NXN: variants seen among roughly 807,000 people sequenced by gnomAD.
NXN encodes the protein nucleoredoxin, also known as nucleoredoxin 1.
Under a neutral mutation model 48.6 loss-of-function variants are expected in NXN, and 16 were observed. That is an observed-to-expected ratio of 0.33 (90% CI 0.22 to 0.50). NXN has a LOEUF of 0.50. Among genes scored for constraint, NXN ranks in the 20% least tolerant of loss-of-function variants. The pLI, the probability that NXN is intolerant of heterozygous loss-of-function variation, is 0.98. For synonymous variants in NXN, 281 were observed against 269.6 expected, an observed-to-expected ratio of 1.04 and a Z score of -0.41; for missense variants, 492 against 605.5, an observed-to-expected ratio of 0.81 and a Z score of 1.97.
intron 1 of NXN, among the ~76,000 whole-genome samples, chr17:907,139 G>A (rs1488438382): frequency 4.0e-5 from 6 of 151,528 alleles, no homozygotes; most frequent in African/African-American, 9.7e-5. Context: ...TTGGGGGGGC[G>A]GGGGAGGGTT....
chr17:879,873 C>T (rs1390440508), intron 1 of NXN: 5 of 152,196 alleles, frequency 3.3e-5, no homozygotes, highest in Non-Finnish European at 7.3e-5. Flanking sequence ...AGAAACTTCT[C>T]TCACAGGTAC....
rs748083527 is a variant in NXN, at chr17:823,674, G to T, written c.570C>A (p.Ser190Arg). Residue 190 changes from serine (S) to arginine (R), a missense_variant, in exon 3 of 8, where the codon AGC becomes AGA. Coordinates refer to ENST00000336868, the MANE Select transcript of NXN (RefSeq NM_022463.5). ...RNNGQSLESS[S>R]LEGSHVGVYF... ...AGACGCCCACGTGAGACCCCTCCAGGCTGCTGCTCTCCAGAGACTGCCCAT... is the reference window on the plus strand; with the variant it reads ...AGACGCCCACGTGAGACCCCTCCAGTCTGCTGCTCTCCAGAGACTGCCCAT... 1 of 1,614,118 alleles carries T rather than the reference G, an allele frequency of 6.2e-7. No individual in the cohort carries two copies. The highest frequency in any genetic ancestry group is 1.1e-5 in the South Asian group (1 of 91,072).
chr17:861,227 G>C (rs1227752966), intron 1 of NXN, among the ~76,000 whole-genome samples: 3 of 152,136 alleles, frequency 2.0e-5, no homozygotes, highest in Non-Finnish European at 4.4e-5. Context: ...TCCGCCTCCT[G>C]GGTTCAAGTG....
At chr17:832,444 C>G (rs1913534399) in intron 1 of NXN, among the ~76,000 whole-genome samples, 1 of 152,084 alleles carries the variant, frequency 6.6e-6, no homozygotes, top group Non-Finnish European at 1.5e-5. Context: ...CTTGGCCTCC[C>G]AAAGTGCTGG....
chr17:945,628 CA>C (rs58303386), intron 1 of NXN, among the ~76,000 whole-genome samples: 35,503 of 86,692 alleles, frequency 0.41, 4,925 homozygotes, highest in African/African-American at 0.52. Context: ...GACTCCGTCT[CA>C]AAAAAAAAAA....
rs897069997 is a variant in NXN, at chr17:958,146, A to T, written c.360+21173T>A. Among the ~76,000 whole-genome samples the T allele has an allele frequency of 1.3e-5, 2 of 152,090 alleles. No individual in the cohort carries two copies. The highest frequency in any genetic ancestry group is 2.4e-5 in the African/African-American group (1 of 41,402). ...TATATCTGGAATATCTCTCTGTCTT[A>T]ATCCACTGGACTACCCTCCCCCTCG... On this transcript the variant is annotated intron_variant, in intron 1 of 7. Coordinates refer to ENST00000336868, the MANE Select transcript of NXN (RefSeq NM_022463.5). The surrounding 1 kb of genome is among the most constrained non-coding windows in gnomAD (Gnocchi z 6.9).
rs879868307 is a variant in NXN, at chr17:932,439, A to T, written c.360+46880T>A. Among the ~76,000 whole-genome samples, 6 of 152,320 alleles carry T rather than the reference A, an allele frequency of 3.9e-5. No individual in the cohort carries two copies. The East Asian group carries it at 1.2e-3, about 29-fold the overall frequency. ...CCGCATTTAACCAGTCCTTCTGGTT[A>T]TTCATCAGTTTGGAAACCGCAGGTC... On this transcript the variant is annotated intron_variant, in intron 1 of 7. Transcript: ENST00000336868. This position sits in a 1 kb window ranked among gnomAD's most constrained non-coding sequence, Gnocchi z 4.1.
intron 1 of NXN, among the ~76,000 whole-genome samples, chr17:890,128 G>A (rs2068399925): frequency 6.6e-6 from 1 of 151,840 alleles, no homozygotes; most frequent in Admixed American, 6.6e-5. Flanking sequence ...CTCAGTGTCT[G>A]GACCTACTCG....
chr17:864,598 T>TG (rs1217787877), intron 1 of NXN, among the ~76,000 whole-genome samples: 4 of 152,238 alleles, frequency 2.6e-5, no homozygotes, highest in Admixed American at 6.5e-5. Flanking sequence ...GAACTTGCCC[T>TG]GCATTTCCTC....
Position 800,778 on chromosome 17 carries a change from C to T in NXN, c.*171G>A. 1 of 420,520 alleles carries T rather than the reference C, an allele frequency of 2.4e-6. No individual in the cohort carries two copies. The highest frequency in any genetic ancestry group is 4.1e-6 in the Non-Finnish European group (1 of 242,814). The allele number at this position is 420,520 out of a possible 1,614,324, so 26.0% of individuals were successfully genotyped here. On this transcript the variant is annotated 3_prime_UTR_variant, in exon 8 of 8. Coordinates refer to ENST00000336868, the MANE Select transcript of NXN (RefSeq NM_022463.5). ...GTGGACTCTGCCGCTGCTGATTCCA[C>T]ACCCCAGGGTGCTGGCTGAGGAGTT... is the stretch of plus-strand genomic sequence containing the variant.
At chr17:844,043 G>A (rs1038813542) in intron 1 of NXN, among the ~76,000 whole-genome samples, 7 of 152,138 alleles carry the variant, frequency 4.6e-5, no homozygotes, top group East Asian at 3.9e-4. Context: ...CATACGTCCC[G>A]TCCCGCCCCT....
intron 1 of NXN, among the ~76,000 whole-genome samples, chr17:933,753 G>A (rs1466087220): frequency 1.3e-5 from 2 of 152,042 alleles, no homozygotes; most frequent in African/African-American, 4.8e-5. Flanking sequence ...GCACTAACTA[G>A]AAAGCTGTTT....
At position 854,312 on chromosome 17, in the gene NXN, A is replaced by C. The variant is rs1330891581; in HGVS notation, c.361-28234T>G. Among the ~76,000 whole-genome samples the C allele has an allele frequency of 7.2e-5, 11 of 152,158 alleles. 1 individual carries two copies. ...GCTAGAATATTTTTCAGTTAGACAGATATAGAACGATCCCACCTGCTCACC... is the reference window on the plus strand; with the variant it reads ...GCTAGAATATTTTTCAGTTAGACAGCTATAGAACGATCCCACCTGCTCACC... On this transcript the variant is annotated intron_variant, in intron 1 of 7. Transcript: ENST00000336868.
intron 1 of NXN, among the ~76,000 whole-genome samples, chr17:951,845 A>G (rs879347690): frequency 1.3e-5 from 2 of 152,094 alleles, no homozygotes; most frequent in Admixed American, 1.3e-4. Context: ...GGAGGCAGGA[A>G]AGCAATGAGC....
intron 1 of NXN, among the ~76,000 whole-genome samples, chr17:871,399 C>CTTTTTTTTTTTTTTTTT: frequency 9.8e-6 from 1 of 101,706 alleles, no homozygotes; most frequent in Non-Finnish European, 1.9e-5. Flanking sequence ...TACGCATTCA[C>CTTTTTTTTTTTTTTTTT]TTTTTTTTTT....
chr17:815,588 T>C (rs12939747), intron 5 of NXN, among the ~76,000 whole-genome samples: 11,400 of 132,378 alleles, frequency 0.086, 493 homozygotes, highest in Middle Eastern at 0.2. Flanking sequence ...TCCATCCGTA[T>C]GATGAGGGCG....
At chr17:891,776 G>GAA (rs2068421046) in intron 1 of NXN, among the ~76,000 whole-genome samples, 1 of 151,266 alleles carries the variant, frequency 6.6e-6, no homozygotes, top group African/African-American at 2.4e-5. Context: ...ACCCCACCAT[G>GAA]CAGAACCCAA....
chr17:885,750 AGCTCACTGCAAGCTCT>A (rs2068339595), intron 1 of NXN, among the ~76,000 whole-genome samples: 1 of 136,138 alleles, frequency 7.3e-6, no homozygotes, highest in Non-Finnish European at 1.5e-5. Context: ...GCGCAATCTC[AGCTCACTGCAAGCTCT>A]GCCTCCCGGG....
chr17:959,793 TA>T (rs57208471), intron 1 of NXN, among the ~76,000 whole-genome samples: 122,454 of 136,254 alleles, frequency 0.9, 55,730 homozygotes, highest in East Asian at 0.99. Flanking sequence ...AGACTCTGTA[TA>T]AAAAAAAAAA....
Sources: gnomAD v4.1 joint callset for allele counts (sites outside exome capture counted in the v4.1 genomes callset) on GRCh38, gnomAD v4.1.1 for gene constraint, Gnocchi (gnomAD v3.1) non-coding constraint, MANE v1.5 for transcripts, NCBI Gene and HGNC (gene_info 2026-07-23, HGNC 2026-07-21) for gene names.